UBXN4: variants seen among roughly 807,000 people sequenced by gnomAD.
The protein encoded by UBXN4 is UBX domain protein 4.
Under a neutral mutation model 66.2 loss-of-function variants are expected in UBXN4, and 35 were observed. The ratio of observed to expected loss-of-function variants is 0.53; its 90% CI spans 0.40 to 0.70. The LOEUF is 0.70. Among genes scored for constraint, UBXN4 ranks in the 30% least tolerant of loss-of-function variants. UBXN4 has a pLI of 0.00. For synonymous variants in UBXN4, 203 were observed against 204.5 expected (o/e 0.99, Z 0.06); for missense variants, 533 against 599.8 (o/e 0.89, Z 1.16).
intron 6 of UBXN4, among the ~76,000 whole-genome samples, chr2:135,768,662 C>T (rs1276786134): frequency 6.6e-6 from 1 of 151,838 alleles, no homozygotes; most frequent in Non-Finnish European, 1.5e-5. Flanking sequence ...CTCCCAGGTT[C>T]AAGCGATTCT....
At chr2:135,751,022 AT>A (rs34978778) in intron 2 of UBXN4, among the ~76,000 whole-genome samples, 85 of 125,756 alleles carry the variant, frequency 6.8e-4, no homozygotes, top group Admixed American at 7.3e-4. Flanking sequence ...TGCCCGGCTA[AT>A]TTTTTTTTTT....
chr2:135,758,645 CCT>C (rs1559539955), intron 5 of UBXN4, among the ~76,000 whole-genome samples: 7 of 152,222 alleles, frequency 4.6e-5, no homozygotes, highest in African/African-American at 1.7e-4. Context: ...GCCCTCCACT[CCT>C]CTTCTTTTTC....
intron 6 of UBXN4, among the ~76,000 whole-genome samples, chr2:135,764,101 G>A (rs768510654): frequency 1.1e-4 from 17 of 151,730 alleles, no homozygotes; most frequent in Non-Finnish European, 2.1e-4. Context: ...TCCAGCCTGG[G>A]TGACAGAGTG....
rs971448636 is a variant in UBXN4, at chr2:135,783,075, G to T, written c.*188G>T. 19 of 574,838 alleles carry T rather than the reference G, an allele frequency of 3.3e-5. No homozygotes were observed. Among genetic ancestry groups the T allele is most frequent in the Admixed American group, 2.3e-4 (7 of 30,172 alleles). The allele number at this position is 574,838 out of a possible 1,614,324, so 35.6% of individuals were successfully genotyped here. A position where few individuals can be genotyped will look rare whatever the true frequency, so the allele number is the denominator to read the frequency against. On this transcript the variant is annotated 3_prime_UTR_variant, in exon 13 of 13. Transcript: ENST00000272638. ...AAGTAAAGACAGGAAATAACTCTCTGCTAGGTCCTTGCTTATATGGCAACC... is the reference window on the plus strand; with the variant it reads ...AAGTAAAGACAGGAAATAACTCTCTTCTAGGTCCTTGCTTATATGGCAACC...
chr2:135,774,581 A>G (rs2077401441), intron 9 of UBXN4, among the ~76,000 whole-genome samples: 1 of 152,214 alleles, frequency 6.6e-6, no homozygotes, highest in South Asian at 2.1e-4. Flanking sequence ...ATGGTAGCTC[A>G]CACCTATAAT....
chr2:135,758,414 T>C (rs1467585857), intron 5 of UBXN4, among the ~76,000 whole-genome samples: 2 of 152,024 alleles, frequency 1.3e-5, no homozygotes, highest in African/African-American at 4.8e-5. Context: ...GGGGTCTCAC[T>C]ATGTTGCTTA....
chr2:135,772,385 A>G (rs370975235), intron 8 of UBXN4, 35 bp from the exon 9 acceptor site: 556 of 1,602,734 alleles, frequency 3.5e-4, no homozygotes, highest in Non-Finnish European at 4.4e-4. Flanking sequence ...CCATTCTGGC[A>G]GTAAAGGTAA....
intron 9 of UBXN4, among the ~76,000 whole-genome samples, chr2:135,773,980 C>G (rs544854254): frequency 6.6e-6 from 1 of 152,220 alleles, no homozygotes; most frequent in East Asian, 1.9e-4. Context: ...TCTATAGATT[C>G]AACACTCCTA....
At chr2:135,775,178 C>T (rs2077406068) in intron 9 of UBXN4, among the ~76,000 whole-genome samples, 1 of 152,164 alleles carries the variant, frequency 6.6e-6, no homozygotes, top group Admixed American at 6.5e-5. Flanking sequence ...GAATTTGGAA[C>T]CTTTCTGTGT....
rs749297662 is a variant in UBXN4 at position 135,741,972 on chromosome 2, G to A, written c.43G>A (p.Ala15Thr). 2 of 1,613,464 alleles carry A rather than the reference G, an allele frequency of 1.2e-6. No individual in the cohort carries two copies. The highest frequency in any genetic ancestry group is 3.3e-5 in the Admixed American group (2 of 60,004). ...QGAIPAAIAT[A>T]KRSGAVFVVF... ...CGCCATTCCGGCCGCCATCGCGACGGCCAAAAGGAGCGGCGCGGTCTTCGT... is the reference window on the plus strand; with the variant it reads ...CGCCATTCCGGCCGCCATCGCGACGACCAAAAGGAGCGGCGCGGTCTTCGT... The change falls in exon 1 of 13, where the codon GCC becomes ACC. Residue 15 changes from alanine (A) to threonine (T), a missense_variant. By Grantham distance (58) the Ala-to-Thr change is moderately conservative. Transcript: ENST00000272638.
At position 135,755,469 on chromosome 2, in the gene UBXN4, G is replaced by A. The variant is rs1205571711; in HGVS notation, c.334-48G>A. The A allele has an allele frequency of 4.2e-6, 6 of 1,432,632 alleles. No homozygotes were observed. In the South Asian group the frequency reaches 7.9e-5, roughly 19 times the overall value. The allele number at this position is 1,432,632 out of a possible 1,614,324, so 88.7% of individuals were successfully genotyped here. A position where few individuals can be genotyped will look rare whatever the true frequency, so the allele number is the denominator to read the frequency against. On this transcript the variant is annotated intron_variant, in intron 4 of 12. Transcript: ENST00000272638. ...ATTTTGGTCTCTACTGCCATGGTAAGTTTAGATTCTTATCTATTAATTAAA... is the reference window on the plus strand; with the variant it reads ...ATTTTGGTCTCTACTGCCATGGTAAATTTAGATTCTTATCTATTAATTAAA...
chr2:135,762,174 T>A (rs1221177058), intron 6 of UBXN4, among the ~76,000 whole-genome samples: 2 of 152,238 alleles, frequency 1.3e-5, no homozygotes, highest in Non-Finnish European at 2.9e-5. Flanking sequence ...CATGGGTGTT[T>A]CCATCTGTCA....
At chr2:135,743,258 T>A (rs1008163109) in intron 1 of UBXN4, among the ~76,000 whole-genome samples, 1 of 152,214 alleles carries the variant, frequency 6.6e-6, no homozygotes, top group African/African-American at 2.4e-5. Context: ...ATGCTGTTTA[T>A]TAGAAGAGCT....
chr2:135,743,316 T>C (rs1032542086), intron 1 of UBXN4, among the ~76,000 whole-genome samples: 1 of 152,230 alleles, frequency 6.6e-6, no homozygotes, highest in Non-Finnish European at 1.5e-5. Flanking sequence ...TATTATACTT[T>C]ACATAAATTA....
chr2:135,766,341 T>C (rs7572051), intron 6 of UBXN4, among the ~76,000 whole-genome samples: 4,868 of 152,280 alleles, frequency 0.032, 239 homozygotes, highest in African/African-American at 0.11. Context: ...TATTTTCAGA[T>C]ACAAGCACGA....
intron 6 of UBXN4, 62 bp downstream of exon 6, chr2:135,761,973 A>C: frequency 6.8e-7 from 1 of 1,462,400 alleles, no homozygotes; most frequent in Non-Finnish European, 9.3e-7. Context: ...CAGTTATTTC[A>C]TTAATTTGAA....
chr2:135,780,501 G>T, intron 12 of UBXN4, 116 bp downstream of exon 12: 1 of 919,244 alleles, frequency 1.1e-6, no homozygotes. Context: ...TTCCCACGGT[G>T]GAGGAGAAAA....
At chr2:135,776,161 A>G in intron 9 of UBXN4, 88 bp from the exon 10 acceptor site, 1 of 1,100,266 alleles carries the variant, frequency 9.1e-7, no homozygotes, top group Non-Finnish European at 1.3e-6. Flanking sequence ...GTCATTGCAC[A>G]TTTCCACTTC....
intron 5 of UBXN4, 88 bp downstream of exon 5, chr2:135,755,779 T>A: frequency 3.6e-6 from 3 of 842,482 alleles, no homozygotes; most frequent in Non-Finnish European, 4.5e-6. Context: ...AAATATATTG[T>A]ATGTATTTTT....
Sources: allele counts gnomAD v4.1 joint callset (sites outside exome capture counted in the v4.1 genomes callset), GRCh38; gene constraint gnomAD v4.1.1; transcripts MANE v1.5; gene names NCBI Gene and HGNC (gene_info 2026-07-23, HGNC 2026-07-21).